The following AHCYL2 variants were observed in gnomAD, a reference collection of about 807,000 sequenced individuals.
AHCYL2 encodes the protein S-adenosylhomocysteine hydrolase-like protein 2.
AHCYL2 carries 28 observed loss-of-function variants against 81.4 expected under a neutral mutation model. The ratio of observed to expected loss-of-function variants is 0.34; its 90% CI spans 0.25 to 0.47. AHCYL2 has a LOEUF of 0.47. Among genes scored for constraint, AHCYL2 ranks in the 20% least tolerant of loss-of-function variants. The probability of loss-of-function intolerance (pLI) is 1.00; values close to 1 mark genes in which losing one functional copy is unlikely to be tolerated. For missense variants in AHCYL2, 551 were observed against 785.1 expected (o/e 0.70, Z 3.56); for synonymous variants, 272 against 290.2 (o/e 0.94, Z 0.64).
In AHCYL2 at chr7:129,368,073, G is replaced by A. The variant is rs150381981; in HGVS notation, c.364-11565G>A. On this transcript the variant is annotated intron_variant, in intron 1 of 16. Coordinates refer to ENST00000325006, the MANE Select transcript of AHCYL2 (RefSeq NM_015328.4). The surrounding 1 kb of genome is among the most constrained non-coding windows in gnomAD (Gnocchi z 4.4). The stretch of plus-strand genomic sequence containing the variant: ...TGATCTTGGTATCCGCACCTCCAGT[G>A]ACGTGTCCTGAAGGGTGGGAGAGAA... The A allele has an allele frequency of 1.5e-4, 146 of 986,374 alleles. 1 individual carries two copies. The African/African-American group carries it at 2.4e-3, about 16-fold the overall frequency. The allele number at this position is 986,374 out of a possible 1,614,324, so 61.1% of individuals were successfully genotyped here.
At chr7:129,294,969 G>C (rs1797003761) in intron 1 of AHCYL2, among the ~76,000 whole-genome samples, 2 of 152,230 alleles carry the variant, frequency 1.3e-5, no homozygotes. Flanking sequence ...CCAATGTAAA[G>C]TATTAAGTAA....
chr7:129,304,887 T>C (rs772194988), intron 1 of AHCYL2, among the ~76,000 whole-genome samples: 55 of 152,194 alleles, frequency 3.6e-4, no homozygotes, highest in Non-Finnish European at 6.6e-4. Context: ...CATTCAATGT[T>C]ATTATTAATA....
intron 1 of AHCYL2, among the ~76,000 whole-genome samples, chr7:129,318,152 A>C (rs896359100): frequency 1.7e-4 from 26 of 152,262 alleles, no homozygotes; most frequent in African/African-American, 6.0e-4. Context: ...GGTAGCTGAC[A>C]GTCTGTATGG....
intron 1 of AHCYL2, among the ~76,000 whole-genome samples, chr7:129,246,346 C>T (rs560717789): frequency 6.6e-6 from 1 of 152,326 alleles, no homozygotes; most frequent in South Asian, 2.1e-4. Context: ...GCGTGAGCCA[C>T]CACACCCTGC....
rs543775379 is a variant in AHCYL2, at chr7:129,225,786, G to C, written c.363+347G>C. ...TCCAGCCTATCGGGGAAGAGACCTC[G>C]ATAGTATAGAAAAACCTTACCGCTC... On this transcript the variant is annotated intron_variant, in intron 1 of 16. Transcript: ENST00000325006. Among the ~76,000 whole-genome samples the C allele has an allele frequency of 7.9e-5, 12 of 152,286 alleles. 1 individual carries two copies. The highest frequency in any genetic ancestry group is 2.9e-4 in the African/African-American group (12 of 41,562).
In AHCYL2 at chr7:129,286,045, A is replaced by G. The variant is rs191633342; in HGVS notation, c.363+60606A>G. Reference sequence around the variant, plus strand: ...CTATTTAAACCAGGGCCACCTTCCTACCCCCAACCTCCACCAAAAAGAAAT... The same window carrying G: ...CTATTTAAACCAGGGCCACCTTCCTGCCCCCAACCTCCACCAAAAAGAAAT... On this transcript the variant is annotated intron_variant, in intron 1 of 16. Transcript: ENST00000325006. Among the ~76,000 whole-genome samples, 325 of 151,832 alleles carry G rather than the reference A, an allele frequency of 2.1e-3. 1 individual carries two copies. The highest frequency in any genetic ancestry group is 7.3e-3 in the African/African-American group (302 of 41,394).
chr7:129,228,619 T>A (rs1794310565), intron 1 of AHCYL2, among the ~76,000 whole-genome samples: 1 of 152,252 alleles, frequency 6.6e-6, no homozygotes, highest in Non-Finnish European at 1.5e-5. Flanking sequence ...GATTTCTTCC[T>A]TGTGTTCTTG....
chr7:129,362,136 C>T (rs1220348254), intron 1 of AHCYL2, among the ~76,000 whole-genome samples: 1 of 151,910 alleles, frequency 6.6e-6, no homozygotes, highest in African/African-American at 2.4e-5. Flanking sequence ...CTTTATAAAA[C>T]CAATGTGTAG....
At chr7:129,348,455 A>G (rs902644490) in intron 1 of AHCYL2, among the ~76,000 whole-genome samples, 12 of 151,626 alleles carry the variant, frequency 7.9e-5, no homozygotes, top group Non-Finnish European at 1.8e-4. Context: ...AAGAATGCAC[A>G]AGTAAGATTT....
At chr7:129,330,393 A>G (rs934503700) in intron 1 of AHCYL2, among the ~76,000 whole-genome samples, 3 of 152,240 alleles carry the variant, frequency 2.0e-5, no homozygotes, top group Admixed American at 6.5e-5. Flanking sequence ...ATGCAATGAA[A>G]TATTTTCCAG....
chr7:129,367,754 A>T (rs925803922), intron 1 of AHCYL2, among the ~76,000 whole-genome samples: 1 of 152,232 alleles, frequency 6.6e-6, no homozygotes, highest in African/African-American at 2.4e-5. Flanking sequence ...TATGTAGCAC[A>T]GGGAGCCAGC....
intron 1 of AHCYL2, among the ~76,000 whole-genome samples, chr7:129,298,936 T>G (rs2718092): frequency 0.068 from 10,317 of 152,164 alleles, 1,165 homozygotes; most frequent in African/African-American, 0.24. Flanking sequence ...GGTAAGTGTT[T>G]TAGGCTTTGC....
chr7:129,269,019 A>G (rs1238731569), intron 1 of AHCYL2, among the ~76,000 whole-genome samples: 1 of 152,144 alleles, frequency 6.6e-6, no homozygotes, highest in African/African-American at 2.4e-5. Context: ...GACGTTTCAT[A>G]TAATTTGCCT....
At chr7:129,337,960 C>A (rs1204627900) in intron 1 of AHCYL2, among the ~76,000 whole-genome samples, 1 of 149,822 alleles carries the variant, frequency 6.7e-6, no homozygotes, top group Non-Finnish European at 1.5e-5. Flanking sequence ...GTCAGGCTGG[C>A]CTCAAACTCC....
At position 129,284,325 on chromosome 7, in the gene AHCYL2, T is replaced by C. The variant is rs187271795; in HGVS notation, c.363+58886T>C. Among the ~76,000 whole-genome samples, 112 of 152,216 alleles carry C rather than the reference T, an allele frequency of 7.4e-4. 1 individual carries two copies. The highest frequency in any genetic ancestry group is 2.6e-3 in the African/African-American group (109 of 41,526). On this transcript the variant is annotated intron_variant, in intron 1 of 16. Transcript: ENST00000325006. ...AAAGCTTGGAATAATTGGCCGGGCA[T>C]GGTGGCTCACGCCTGTAATCCCAGC...
rs1796285917 is a variant in AHCYL2 at position 129,277,984 on chromosome 7, T to C, written c.363+52545T>C. Reference sequence around the variant, plus strand: ...GGATTATATAAGTGTACGGTTTAATTTTTAAGAAACCGCCAAACTGTTTTC... The same window carrying C: ...GGATTATATAAGTGTACGGTTTAATCTTTAAGAAACCGCCAAACTGTTTTC... On this transcript the variant is annotated intron_variant, in intron 1 of 16. Coordinates refer to ENST00000325006, the MANE Select transcript of AHCYL2 (RefSeq NM_015328.4). 2.0e-5 allele frequency among the ~76,000 whole-genome samples: 3 copies of C among 152,352 alleles called. No individual in the cohort carries two copies. In the South Asian group the frequency reaches 6.2e-4, roughly 32 times the overall value.
At chr7:129,362,702 T>C (rs566129354) in intron 1 of AHCYL2, among the ~76,000 whole-genome samples, 1 of 145,362 alleles carries the variant, frequency 6.9e-6, no homozygotes, top group East Asian at 2.3e-4. Flanking sequence ...CACAGTTCAC[T>C]CTTCCTTACC....
intron 13 of AHCYL2, among the ~76,000 whole-genome samples, chr7:129,423,583 C>T (rs545986626): frequency 1.3e-4 from 20 of 152,216 alleles, no homozygotes; most frequent in South Asian, 1.0e-3. Context: ...ATATTAGATG[C>T]CTTCTATTCT....
chr7:129,360,963 A>G (rs1034250306), intron 1 of AHCYL2, among the ~76,000 whole-genome samples: 5 of 152,206 alleles, frequency 3.3e-5, no homozygotes, highest in African/African-American at 4.8e-5. Context: ...ACATGAATGG[A>G]ATTATCTAGG....
Sources: gnomAD v4.1 joint callset for allele counts (sites outside exome capture counted in the v4.1 genomes callset) on GRCh38, gnomAD v4.1.1 for gene constraint, Gnocchi (gnomAD v3.1) non-coding constraint, MANE v1.5 for transcripts, NCBI Gene and HGNC (gene_info 2026-07-23, HGNC 2026-07-21) for gene names.